RORA: variants seen among roughly 807,000 people sequenced by gnomAD.
RORA encodes nuclear receptor ROR-alpha.
RORA carries 7 observed loss-of-function variants against 69.5 expected under a neutral mutation model. The ratio of observed to expected loss-of-function variants is 0.10; its 90% CI spans 0.06 to 0.19. The LOEUF is 0.19. RORA is among the 10% of genes least tolerant of loss of function. The pLI, the probability that RORA is intolerant of heterozygous loss-of-function variation, is 1.00. For synonymous variants in RORA, 261 were observed against 240.8 expected (o/e 1.08, Z -0.78); for missense variants, 457 against 663.0 (o/e 0.69, Z 3.41).
At chr15:60,904,210 T>A (rs1194912509) in intron 1 of RORA, among the ~76,000 whole-genome samples, 1 of 152,242 alleles carries the variant, frequency 6.6e-6, no homozygotes, top group Non-Finnish European at 1.5e-5. Flanking sequence ...CTGAAGGACT[T>A]CTCTCTTAAT....
intron 2 of RORA, among the ~76,000 whole-genome samples, chr15:60,564,468 T>A (rs2067660034): frequency 6.6e-6 from 1 of 152,120 alleles, no homozygotes; most frequent in Non-Finnish European, 1.5e-5. Flanking sequence ...TTGGTCAGAA[T>A]GATCCACACT....
Position 60,822,000 on chromosome 15 carries a change from T to C in RORA, c.167-143314A>G, listed in dbSNP as rs139932278. 5.7e-3 allele frequency among the ~76,000 whole-genome samples: 808 copies of C among 142,910 alleles called. 9 individuals carry two copies. Among genetic ancestry groups the C allele is most frequent in the African/African-American group, 0.019 (776 of 41,122 alleles). The allele number at this position is 142,910 out of a possible 152,430, so 93.8% of individuals were successfully genotyped here. A position where few individuals can be genotyped will look rare whatever the true frequency, so the allele number is the denominator to read the frequency against. ...ATCTGAATAAAGCAATGAGTAGCAG[T>C]ATTCACAGAAGCACGGAATTTTAGA... On this transcript the variant is annotated intron_variant, in intron 1 of 10. Coordinates refer to ENST00000335670, the MANE Select transcript of RORA (RefSeq NM_134261.3).
At chr15:61,117,027 A>G (rs1466479352) in intron 1 of RORA, among the ~76,000 whole-genome samples, 1 of 152,154 alleles carries the variant, frequency 6.6e-6, no homozygotes, top group Non-Finnish European at 1.5e-5. Flanking sequence ...ATCAGCTTCA[A>G]AGACAAACAC....
chr15:61,218,954 TG>T (rs1162768346), intron 1 of RORA, among the ~76,000 whole-genome samples: 3 of 152,204 alleles, frequency 2.0e-5, no homozygotes, highest in African/African-American at 7.2e-5. Context: ...ATCTTTGCTG[TG>T]GGCCTCCTGG....
Position 60,663,616 on chromosome 15 carries a change from C to T in RORA, c.196+15041G>A, listed in dbSNP as rs140036175. Among the ~76,000 whole-genome samples the T allele has an allele frequency of 5.3e-3, 809 of 152,264 alleles. 10 individuals are homozygous for T. Among genetic ancestry groups the T allele is most frequent in the African/African-American group, 0.018 (766 of 41,540 alleles). On this transcript the variant is annotated intron_variant, in intron 2 of 10. Transcript: ENST00000335670. ...GATCACAGGCATACGCCACCATACC[C>T]GGCTAATTTTGTGTTTTTAGTAGAG...
chr15:60,925,096 TAAAATAAAATAAAATAAA>T (rs1275909747), intron 1 of RORA, among the ~76,000 whole-genome samples: 1 of 40,050 alleles, frequency 2.5e-5, no homozygotes, highest in East Asian at 3.9e-4. Context: ...AATAAATTAA[TAAAATAAAATAAAATAAA>T]ATAAAATAAA....
At chr15:61,052,306 T>G (rs1161410252) in intron 1 of RORA, among the ~76,000 whole-genome samples, 1 of 152,250 alleles carries the variant, frequency 6.6e-6, no homozygotes, top group Non-Finnish European at 1.5e-5. Context: ...TGTTTCTTTC[T>G]CTATTTCAGA....
chr15:61,025,821 T>A (rs1423307290), intron 1 of RORA, among the ~76,000 whole-genome samples: 6 of 152,212 alleles, frequency 3.9e-5, no homozygotes, highest in African/African-American at 1.4e-4. Context: ...GTTGGCAACA[T>A]GGGTTGGAGT....
At chr15:60,775,254 G>A (rs532605998) in intron 1 of RORA, among the ~76,000 whole-genome samples, 1 of 152,274 alleles carries the variant, frequency 6.6e-6, no homozygotes, top group Non-Finnish European at 1.5e-5. Flanking sequence ...ACCGAGCCCT[G>A]ATGGTGGTAT....
chr15:61,090,826 C>T (rs915493018), intron 1 of RORA, among the ~76,000 whole-genome samples: 3 of 152,152 alleles, frequency 2.0e-5, no homozygotes, highest in Admixed American at 6.5e-5. Flanking sequence ...CACTGTTATT[C>T]ACCCCTGCCT....
intron 1 of RORA, among the ~76,000 whole-genome samples, chr15:61,206,698 A>T (rs2079944788): frequency 6.6e-6 from 1 of 152,188 alleles, no homozygotes. Flanking sequence ...TAAGGATGTG[A>T]TCACACCTGG....
chr15:60,608,860 G>A (rs1185625569), intron 2 of RORA, among the ~76,000 whole-genome samples: 1 of 151,952 alleles, frequency 6.6e-6, no homozygotes, highest in Non-Finnish European at 1.5e-5. Flanking sequence ...ACAGTAAACC[G>A]GATCATATGA....
intron 1 of RORA, among the ~76,000 whole-genome samples, chr15:60,785,384 T>C (rs1222267579): frequency 6.6e-6 from 1 of 152,192 alleles, no homozygotes; most frequent in Non-Finnish European, 1.5e-5. Context: ...GTGATAAACA[T>C]TTTAAATAAA....
intron 1 of RORA, among the ~76,000 whole-genome samples, chr15:60,705,574 G>A (rs1376685352): frequency 6.6e-6 from 1 of 152,130 alleles, no homozygotes; most frequent in African/African-American, 2.4e-5. Context: ...TCGAGACAAG[G>A]CCATTTTCTA....
intron 1 of RORA, among the ~76,000 whole-genome samples, chr15:60,834,279 T>C (rs756511353): frequency 2.0e-4 from 30 of 152,326 alleles, no homozygotes; most frequent in Non-Finnish European, 3.4e-4. Flanking sequence ...TTTTCATTTC[T>C]GAGTGGTTTT....
At chr15:61,034,082 A>C (rs754603858) in intron 1 of RORA, among the ~76,000 whole-genome samples, 5 of 152,184 alleles carry the variant, frequency 3.3e-5, no homozygotes, top group African/African-American at 4.8e-5. Flanking sequence ...ATTATAGTTC[A>C]ATTGGACAGT....
intron 1 of RORA, among the ~76,000 whole-genome samples, chr15:60,857,740 G>T (rs1021384432): frequency 1.3e-5 from 2 of 152,182 alleles, no homozygotes; most frequent in African/African-American, 4.8e-5. Flanking sequence ...CTCACTTGGA[G>T]TTCAACATAA....
chr15:61,138,413 A>G (rs2079264911), intron 1 of RORA, among the ~76,000 whole-genome samples: 4 of 152,176 alleles, frequency 2.6e-5, no homozygotes, highest in African/African-American at 9.7e-5. Flanking sequence ...ACTTCATACA[A>G]TATAAAAACC....
At chr15:60,597,792 G>A (rs562807141) in intron 2 of RORA, among the ~76,000 whole-genome samples, 27 of 150,682 alleles carry the variant, frequency 1.8e-4, no homozygotes, top group South Asian at 1.3e-3. Flanking sequence ...ACTGTAGCCT[G>A]ATGGAGTAGG....
Sources: allele counts gnomAD v4.1 joint callset (sites outside exome capture counted in the v4.1 genomes callset), GRCh38; gene constraint gnomAD v4.1.1; transcripts MANE v1.5; gene names NCBI Gene and HGNC (gene_info 2026-07-23, HGNC 2026-07-21).